SLX4IP: variants seen among roughly 807,000 people sequenced by gnomAD.
The protein encoded by SLX4IP is SLX4 interacting protein, also known as protein SLX4IP.
SLX4IP carries 34 observed loss-of-function variants against 32.9 expected under a neutral mutation model. The ratio of observed to expected loss-of-function variants is 1.03; its 90% CI spans 0.79 to 1.38. SLX4IP has a LOEUF of 1.38. Ranked by LOEUF, SLX4IP falls within the 40% of genes most tolerant of loss-of-function variation. The pLI, the probability that SLX4IP is intolerant of heterozygous loss-of-function variation, is 0.00. For missense variants in SLX4IP, 444 were observed against 479.0 expected (o/e 0.93, Z 0.68); for synonymous variants, 172 against 171.7 (o/e 1.00, Z -0.01).
chr20:10,610,520 TGG>T (rs2066953895), intron 6 of SLX4IP, among the ~76,000 whole-genome samples: 2 of 152,200 alleles, frequency 1.3e-5, no homozygotes, highest in African/African-American at 4.8e-5. Context: ...ACTGGGCAGA[TGG>T]CTTGGCCATC....
chr20:10,590,484 CG>C (rs1226608322), intron 4 of SLX4IP, among the ~76,000 whole-genome samples: 1 of 151,980 alleles, frequency 6.6e-6, no homozygotes, highest in East Asian at 1.9e-4. Flanking sequence ...CCTCAGCCTC[CG>C]GAGTAGCTGG....
At chr20:10,579,672 C>A (rs181946828) in intron 4 of SLX4IP, among the ~76,000 whole-genome samples, 1 of 152,144 alleles carries the variant, frequency 6.6e-6, no homozygotes, top group Non-Finnish European at 1.5e-5. Context: ...GTGATCCACC[C>A]GCCTTGACCT....
In SLX4IP at chr20:10,623,568, G is replaced by T. The variant is rs529616719; in HGVS notation, c.*189G>T. On this transcript the variant is annotated 3_prime_UTR_variant, in exon 8 of 8. Coordinates refer to ENST00000334534, the MANE Select transcript of SLX4IP (RefSeq NM_001009608.3). ...TTTCAAACCGGGAGGCTATATGCTT[G>T]TTCTAACAGCGTTGCTTCTTTATCA... 2 of 769,910 alleles carry T rather than the reference G, an allele frequency of 2.6e-6. No individual in the cohort carries two copies. The highest frequency in any genetic ancestry group is 3.1e-5 in the Admixed American group (1 of 32,220). 47.7% of individuals were successfully genotyped at this position (769,910 alleles called of 1,614,324 possible). A position where few individuals can be genotyped will look rare whatever the true frequency, so the allele number is the denominator to read the frequency against.
intron 4 of SLX4IP, among the ~76,000 whole-genome samples, chr20:10,595,769 A>T (rs1041756205): frequency 1.3e-5 from 2 of 152,244 alleles, no homozygotes; most frequent in Admixed American, 1.3e-4. Flanking sequence ...AAGAACTGGC[A>T]TAGTACCTTT....
At chr20:10,534,505 G>T (rs1024138089) in intron 2 of SLX4IP, among the ~76,000 whole-genome samples, 52 of 152,172 alleles carry the variant, frequency 3.4e-4, no homozygotes, top group Admixed American at 2.8e-3. Flanking sequence ...CTGGTCTGGA[G>T]CCTTAGAAGG....
At chr20:10,606,785 G>C (rs937242098) in intron 6 of SLX4IP, among the ~76,000 whole-genome samples, 5 of 152,132 alleles carry the variant, frequency 3.3e-5, no homozygotes, top group African/African-American at 1.2e-4. Context: ...TGAGGTCCGT[G>C]TGTATGTATT....
In SLX4IP at chr20:10,499,609, G is replaced by T. The variant is rs114875532; in HGVS notation, c.27+41378G>T. Among the ~76,000 whole-genome samples the T allele has an allele frequency of 9.5e-3, 1,438 of 152,168 alleles. 26 individuals carry two copies. Among genetic ancestry groups the T allele is most frequent in the African/African-American group, 0.033 (1,360 of 41,518 alleles). ...CAGGAAATATTTAAATATATTAGTAGTATTACCTACAGACAAGACAAATTT... is the reference window on the plus strand; with the variant it reads ...CAGGAAATATTTAAATATATTAGTATTATTACCTACAGACAAGACAAATTT... On this transcript the variant is annotated intron_variant, in intron 2 of 7. Transcript: ENST00000334534.
chr20:10,502,043 G>T (rs1281358855), intron 2 of SLX4IP, among the ~76,000 whole-genome samples: 1 of 152,148 alleles, frequency 6.6e-6, no homozygotes, highest in African/African-American at 2.4e-5. Flanking sequence ...TTTTCACTGG[G>T]TGGGGCCGAA....
At chr20:10,481,866 TGG>T (rs2065525002) in intron 2 of SLX4IP, among the ~76,000 whole-genome samples, 1 of 152,174 alleles carries the variant, frequency 6.6e-6, no homozygotes, top group Non-Finnish European at 1.5e-5. Flanking sequence ...AGTTCACTCT[TGG>T]GTGCTCCCCA....
chr20:10,514,388 G>A (rs1252246359), intron 2 of SLX4IP, among the ~76,000 whole-genome samples: 2 of 152,170 alleles, frequency 1.3e-5, no homozygotes, highest in Non-Finnish European at 2.9e-5. Flanking sequence ...TCTCTGTTCT[G>A]TTAAGCTCTT....
intron 2 of SLX4IP, among the ~76,000 whole-genome samples, chr20:10,522,810 C>A (rs909462075): frequency 2.0e-5 from 3 of 152,228 alleles, no homozygotes; most frequent in Non-Finnish European, 4.4e-5. Context: ...ACCATAGAGA[C>A]CATCTCTCCT....
intron 1 of SLX4IP, among the ~76,000 whole-genome samples, chr20:10,443,398 G>A (rs551803391): frequency 2.0e-5 from 3 of 152,192 alleles, no homozygotes; most frequent in Non-Finnish European, 4.4e-5. Context: ...TTATAATTCA[G>A]TGGGCTAAGC....
intron 2 of SLX4IP, among the ~76,000 whole-genome samples, chr20:10,522,272 A>ATCTT (rs1455855187): frequency 6.6e-6 from 1 of 151,728 alleles, no homozygotes; most frequent in Non-Finnish European, 1.5e-5. Context: ...TTTTGGGGGG[A>ATCTT]TCTTAGCTCT....
chr20:10,588,559 G>A (rs2066671269), intron 4 of SLX4IP, among the ~76,000 whole-genome samples: 1 of 152,136 alleles, frequency 6.6e-6, no homozygotes, highest in African/African-American at 2.4e-5. Context: ...TGTATACAAT[G>A]GAACATTACT....
intron 2 of SLX4IP, among the ~76,000 whole-genome samples, chr20:10,535,017 T>G (rs1947964164): frequency 6.6e-6 from 1 of 152,092 alleles, no homozygotes; most frequent in South Asian, 2.1e-4. Flanking sequence ...GGAAGGCCCC[T>G]CCAAAGGTTT....
chr20:10,485,521 G>A (rs748334338), intron 2 of SLX4IP, among the ~76,000 whole-genome samples: 27 of 152,048 alleles, frequency 1.8e-4, no homozygotes, highest in South Asian at 8.3e-4. Context: ...GAAGACTGAG[G>A]CAGGAGAATC....
At chr20:10,603,775 G>A (rs2066870502) in intron 6 of SLX4IP, among the ~76,000 whole-genome samples, 1 of 151,970 alleles carries the variant, frequency 6.6e-6, no homozygotes, top group South Asian at 2.1e-4. Flanking sequence ...CTCCTCACAG[G>A]CCTCCAGCCC....
At chr20:10,544,902 A>G (rs1330301325) in intron 2 of SLX4IP, among the ~76,000 whole-genome samples, 1 of 152,052 alleles carries the variant, frequency 6.6e-6, no homozygotes, top group Non-Finnish European at 1.5e-5. Flanking sequence ...TCTACAGAGA[A>G]TGCTATGAGT....
intron 1 of SLX4IP, among the ~76,000 whole-genome samples, chr20:10,435,844 A>G (rs1184180496): frequency 1.3e-5 from 2 of 152,086 alleles, no homozygotes; most frequent in Non-Finnish European, 2.9e-5. Flanking sequence ...TCATTTATTC[A>G]TTGCATTTCT....
Sources: allele counts gnomAD v4.1 joint callset (sites outside exome capture counted in the v4.1 genomes callset), GRCh38; gene constraint gnomAD v4.1.1; transcripts MANE v1.5; gene names NCBI Gene and HGNC (gene_info 2026-07-23, HGNC 2026-07-21).